KLHL5: variants seen among roughly 807,000 people sequenced by gnomAD.
The protein encoded by KLHL5 is kelch-like protein 5.
A neutral mutation model predicts 77.7 loss-of-function variants in KLHL5; 48 were observed. The ratio of observed to expected loss-of-function variants is 0.62; its 90% CI spans 0.49 to 0.79. The LOEUF (loss-of-function observed/expected upper bound fraction) is 0.79, where lower values mean the gene tolerates loss of function less well. Ranked by LOEUF, KLHL5 falls within the 30% of genes least tolerant of loss-of-function variation. The pLI, the probability that KLHL5 is intolerant of heterozygous loss-of-function variation, is 0.00. For synonymous variants in KLHL5, 260 were observed against 297.0 expected (o/e 0.88, Z 1.28); for missense variants, 723 against 859.7 (o/e 0.84, Z 1.99).
chr4:39,108,263 C>T (rs960688070), intron 8 of KLHL5, among the ~76,000 whole-genome samples: 1 of 151,930 alleles, frequency 6.6e-6, no homozygotes, highest in Non-Finnish European at 1.5e-5. Context: ...ATAGGTAGAG[C>T]CATCACTAAT....
In KLHL5 at chr4:39,113,170, T is replaced by C. The variant is rs1281386469; in HGVS notation, c.1839T>C (p.Ala613=). 6.2e-7 allele frequency: 1 copy of C among 1,613,954 alleles called. No individual in the cohort carries two copies. Among genetic ancestry groups the C allele is most frequent in the Non-Finnish European group, 8.5e-7 (1 of 1,179,996 alleles). The part of the protein sequence containing the change: ...GVTTWNGLLY[A]IGGHDAPASN... The stretch of plus-strand genomic sequence containing the variant: ...CGACCTGGAATGGACTGCTGTATGC[T>C]ATAGGGGGGCACGATGCTCCCGCAT... Residue 613 remains alanine, a synonymous_variant, in exon 9 of 11, where the codon GCT becomes GCC. Transcript: ENST00000504108.
chr4:39,123,937 A>G lies in KLHL5; in HGVS notation c.*2871A>G. ...GAAAACATGGTCCTATATATTAAAAATCCTAAAGAATCCACAAAATGATTC... is the reference window on the plus strand; with the variant it reads ...GAAAACATGGTCCTATATATTAAAAGTCCTAAAGAATCCACAAAATGATTC... On this transcript the variant is annotated 3_prime_UTR_variant, in exon 11 of 11. Coordinates refer to ENST00000504108, the MANE Select transcript of KLHL5 (RefSeq NM_015990.5). 6.6e-6 allele frequency among the ~76,000 whole-genome samples: 1 copy of G among 152,200 alleles called. No individual in the cohort carries two copies. The highest frequency in any genetic ancestry group is 1.9e-4 in the East Asian group (1 of 5,204).
At chr4:39,058,731 A>G (rs1265892606), upstream of KLHL5, among the ~76,000 whole-genome samples, 2 of 152,106 alleles carry the variant, frequency 1.3e-5, no homozygotes, top group African/African-American at 2.4e-5. Flanking sequence ...TATTGCTCTT[A>G]TAATTGTTGG....
intron 4 of KLHL5, 41 bp downstream of exon 4, chr4:39,082,200 G>A: frequency 1.4e-6 from 2 of 1,443,380 alleles, no homozygotes; most frequent in Non-Finnish European, 1.9e-6. Context: ...TCCTCCATAT[G>A]CATATTTCTT....
chr4:39,130,766 A>G (rs1723767833), downstream of KLHL5, among the ~76,000 whole-genome samples: 1 of 151,988 alleles, frequency 6.6e-6, no homozygotes, highest in Non-Finnish European at 1.5e-5. Flanking sequence ...GTGTTATTCC[A>G]CGAGCAAACT....
chr4:39,132,043 T>G, the KLHL5 span, among the ~76,000 whole-genome samples: 1 of 152,162 alleles, frequency 6.6e-6, no homozygotes. Flanking sequence ...GATAGAGAAC[T>G]CAAAACCTAG....
At chr4:39,099,053 C>T (rs1184056479) in intron 6 of KLHL5, among the ~76,000 whole-genome samples, 2 of 152,042 alleles carry the variant, frequency 1.3e-5, no homozygotes, top group African/African-American at 4.8e-5. Context: ...GAGGCCAAGG[C>T]GGGTGGATCA....
intron 1 of KLHL5, among the ~76,000 whole-genome samples, chr4:39,046,096 G>A (rs994808859): frequency 3.7e-4 from 55 of 149,248 alleles, no homozygotes; most frequent in African/African-American, 1.4e-3. Flanking sequence ...GAATGTGTAT[G>A]TCCTATTGGC....
chr4:39,127,431 GGTTT>G (rs1247564784), downstream of KLHL5, among the ~76,000 whole-genome samples: 1 of 151,934 alleles, frequency 6.6e-6, no homozygotes, highest in Non-Finnish European at 1.5e-5. Context: ...TAAATTTGGG[GGTTT>G]TTTGTTTGTT....
Position 39,115,166 on chromosome 4 carries a change from C to A in KLHL5, c.1909C>A (p.Pro637Thr). 6.2e-7 allele frequency: 1 copy of A among 1,604,554 alleles called. No individual in the cohort carries two copies. Among genetic ancestry groups the A allele is most frequent in the Non-Finnish European group, 8.5e-7 (1 of 1,177,696 alleles). Residue 637 changes from proline to threonine, a missense_variant, in exon 10 of 11, where the codon CCC becomes ACC. By Grantham distance (38) the Pro-to-Thr change is conservative (BLOSUM62 -1). Around this residue, in one of 3 missense-constraint regions of KLHL5, gnomAD observed 214 missense variants for 237.4 expected, o/e 0.90. Coordinates refer to ENST00000504108, the MANE Select transcript of KLHL5 (RefSeq NM_015990.5). ...RLSDCVERYDPKTDMWTAVAS... is the reference protein window; with the variant it reads ...RLSDCVERYDTKTDMWTAVAS... ...TCTAAAATTTTCTTACAGATATGAT[C>A]CCAAAACAGACATGTGGACTGCAGT...
At chr4:39,083,353 A>T (rs755452440) in intron 4 of KLHL5, among the ~76,000 whole-genome samples, 18 of 152,194 alleles carry the variant, frequency 1.2e-4, no homozygotes, top group Non-Finnish European at 2.4e-4. Flanking sequence ...TCATCATTAT[A>T]TAGATTTCCT....
chr4:39,065,461 C>T (rs1483869844), intron 1 of KLHL5, among the ~76,000 whole-genome samples: 2 of 151,136 alleles, frequency 1.3e-5, no homozygotes, highest in Admixed American at 1.3e-4. Context: ...TCAAGCCATT[C>T]TCCTGCCTCA....
Position 39,075,980 on chromosome 4 carries a change from T to A in KLHL5, c.399T>A (p.Ser133Arg). Residue 133 changes from serine to arginine, a missense_variant, in exon 2 of 11, where the codon AGT becomes AGA. By Grantham distance (110) the Ser-to-Arg change is moderately radical. This residue lies in a region of KLHL5 where 221 missense variants were observed against 222.1 expected (regional missense o/e 1.00). Coordinates refer to ENST00000504108, the MANE Select transcript of KLHL5 (RefSeq NM_015990.5). ...TTCTTTTCAGGACTTCCAATAGTAG[T>A]CAGACATTATCATCCTGTCATACTA... ...DSSSCRTSNSSQTLSSCHTME... is the reference protein window; with the variant it reads ...DSSSCRTSNSRQTLSSCHTME... The A allele has an allele frequency of 2.5e-6, 4 of 1,610,016 alleles. No individual in the cohort carries two copies. The highest frequency in any genetic ancestry group is 1.1e-5 in the South Asian group (1 of 89,680).
At chr4:39,110,405 AGT>A (rs139832917) in intron 8 of KLHL5, among the ~76,000 whole-genome samples, 3,270 of 152,262 alleles carry the variant, frequency 0.021, 106 homozygotes, top group African/African-American at 0.073. Flanking sequence ...CCAGTTTGAA[AGT>A]AGTAATAATT....
the KLHL5 span, among the ~76,000 whole-genome samples, chr4:39,138,172 G>T: frequency 6.6e-6 from 1 of 152,122 alleles, no homozygotes; most frequent in Non-Finnish European, 1.5e-5. Flanking sequence ...AATTAGTTCA[G>T]CCATTGTGGA....
intron 1 of KLHL5, among the ~76,000 whole-genome samples, chr4:39,056,691 A>G (rs938918291): frequency 3.3e-5 from 5 of 152,184 alleles, no homozygotes; most frequent in African/African-American, 1.2e-4. Context: ...CTAGAGTCCT[A>G]TCCTAGCTGT....
chr4:39,136,515 T>G, the KLHL5 span, among the ~76,000 whole-genome samples: 1 of 152,114 alleles, frequency 6.6e-6, no homozygotes, highest in Non-Finnish European at 1.5e-5. Flanking sequence ...AAGGATGGCA[T>G]CCACAGTGGT....
At position 39,125,821 on chromosome 4, in the gene KLHL5, A is replaced by G. The variant is rs189913938; in HGVS notation, c.*4755A>G. Among the ~76,000 whole-genome samples, 107 of 152,308 alleles carry G rather than the reference A, an allele frequency of 7.0e-4. No homozygotes were observed. Among genetic ancestry groups the G allele is most frequent in the African/African-American group, 2.5e-3 (102 of 41,564 alleles). Reference sequence around the variant, plus strand: ...CTCAATGTCACTAATGGTAAATTTCACATACACTTTACCATAATTTTTAAA... The same window carrying G: ...CTCAATGTCACTAATGGTAAATTTCGCATACACTTTACCATAATTTTTAAA... On this transcript the variant is annotated 3_prime_UTR_variant, in exon 11 of 11. Transcript: ENST00000504108.
chr4:39,107,346 G>GC (rs200825629), intron 7 of KLHL5, among the ~76,000 whole-genome samples: 8,838 of 151,482 alleles, frequency 0.058, 331 homozygotes, highest in Middle Eastern at 0.13. Context: ...CCGTGCCTGG[G>GC]CAGTCTCTAG....
Sources: gnomAD v4.1 joint callset for allele counts (sites outside exome capture counted in the v4.1 genomes callset) on GRCh38, gnomAD v4.1.1 for gene constraint, gnomAD v4.1.1 regional missense constraint, MANE v1.5 for transcripts, NCBI Gene and HGNC (gene_info 2026-07-23, HGNC 2026-07-21) for gene names.